The following SLC28A1 variants were observed in gnomAD, a reference collection of about 807,000 sequenced individuals.
The protein encoded by SLC28A1 is solute carrier family 28 member 1.
A neutral mutation model predicts 74.8 loss-of-function variants in SLC28A1; 64 were observed. The observed-to-expected ratio is 0.86, with a 90% confidence interval of 0.70 to 1.05. SLC28A1 has a LOEUF of 1.05. Ranked by LOEUF, SLC28A1 falls within the 50% of genes least tolerant of loss-of-function variation. The pLI is 0.00. For missense variants in SLC28A1, 828 were observed against 822.8 expected (o/e 1.01, Z -0.08); for synonymous variants, 359 against 335.0 (o/e 1.07, Z -0.78).
chr15:84,963,299 C>G, the SLC28A1 span, among the ~76,000 whole-genome samples: 1 of 152,180 alleles, frequency 6.6e-6, no homozygotes, highest in Non-Finnish European at 1.5e-5. Context: ...CCCCATGTGA[C>G]CCATAGCTGA....
At chr15:84,949,538 A>G (rs557755149), downstream of SLC28A1, among the ~76,000 whole-genome samples, 3 of 146,420 alleles carry the variant, frequency 2.0e-5, no homozygotes, top group Non-Finnish European at 4.5e-5. Context: ...AGCTGAGACT[A>G]CAGGTGTGTG....
rs1964949873 is a variant in SLC28A1, at chr15:84,888,982, A to G, written c.185+122A>G. 3 of 725,930 alleles carry G rather than the reference A, an allele frequency of 4.1e-6. No individual in the cohort carries two copies. In the Admixed American group the frequency reaches 6.2e-5, roughly 15 times the overall value. The allele number at this position is 725,930 out of a possible 1,614,324, so 45.0% of individuals were successfully genotyped here. On this transcript the variant is annotated intron_variant, in intron 4 of 18. Coordinates refer to ENST00000394573, the MANE Select transcript of SLC28A1 (RefSeq NM_004213.5). ...GACGTGAACCTTTGTTGAAGGGAGG[A>G]ATAAAGGCGCTTTAGCCAACACGCA...
chr15:84,895,653 G>A (rs1255848401), intron 6 of SLC28A1: 1 of 1,423,052 alleles, frequency 7.0e-7, no homozygotes, highest in Non-Finnish European at 9.2e-7. Context: ...GGGAGGTTGT[G>A]GAGGGAAAAT....
At chr15:84,912,842 AC>A (rs1567151202) in intron 9 of SLC28A1, among the ~76,000 whole-genome samples, 176 of 129,194 alleles carry the variant, frequency 1.4e-3, no homozygotes, top group African/African-American at 3.3e-3. Context: ...ACACACACAC[AC>A]ACACAGATCA....
the SLC28A1 span, among the ~76,000 whole-genome samples, chr15:84,964,343 T>A: frequency 1.3e-5 from 2 of 151,982 alleles, no homozygotes; most frequent in South Asian, 2.1e-4. Context: ...AAGGAAGACA[T>A]TGAAGGAAGA....
In SLC28A1 at chr15:84,935,485, G is replaced by A. The variant is rs754795087; in HGVS notation, c.1548G>A (p.Glu516=). 3 of 1,614,030 alleles carry A rather than the reference G, an allele frequency of 1.9e-6. No homozygotes were observed. The South Asian group carries it at 3.3e-5, about 18-fold the overall frequency. Residue 516 remains glutamate, a synonymous_variant, in exon 15 of 19, where the codon GAG becomes GAA. Transcript: ENST00000394573. ...KYKQRRLAGA[E]EWVGDRKQWI... Reference sequence around the variant, plus strand: ...AGCAACGCCGCCTGGCAGGGGCCGAGGAGTGGGTCGGCGACAGGAAGCAGT... The same window carrying A: ...AGCAACGCCGCCTGGCAGGGGCCGAAGAGTGGGTCGGCGACAGGAAGCAGT...
the SLC28A1 span, among the ~76,000 whole-genome samples, chr15:84,959,893 C>T: frequency 6.6e-6 from 1 of 152,128 alleles, no homozygotes; most frequent in African/African-American, 2.4e-5. Flanking sequence ...AACAATGAGT[C>T]CCTGAAGAGT....
intron 9 of SLC28A1, among the ~76,000 whole-genome samples, chr15:84,913,925 G>A (rs1005622543): frequency 6.6e-6 from 1 of 152,164 alleles, no homozygotes; most frequent in Non-Finnish European, 1.5e-5. Flanking sequence ...AGAGGTGAGG[G>A]AGCTCTCTGG....
Position 84,935,512 on chromosome 15 carries a change from G to T in SLC28A1, c.1575G>T (p.Trp525Cys). The change falls in exon 15 of 19, where the codon TGG becomes TGT. Residue 525 changes from tryptophan (W) to cysteine (C), a missense_variant. Around this residue, in one of 3 missense-constraint regions of SLC28A1, gnomAD observed 767 missense variants for 753.5 expected, o/e 1.02. Transcript: ENST00000394573. Reference sequence around the variant, plus strand: ...AGTGGGTCGGCGACAGGAAGCAGTGGATCTCCGTGAGTGTCCCAGTCCCTT... The same window carrying T: ...AGTGGGTCGGCGACAGGAAGCAGTGTATCTCCGTGAGTGTCCCAGTCCCTT... ...AEEWVGDRKQWISVRAEVLTT... is the reference protein window; with the variant it reads ...AEEWVGDRKQCISVRAEVLTT... The T allele has an allele frequency of 6.2e-7, 1 of 1,612,866 alleles. No individual in the cohort carries two copies. The highest frequency in any genetic ancestry group is 8.5e-7 in the Non-Finnish European group (1 of 1,179,774).
chr15:84,944,800 C>T lies in SLC28A1; in HGVS notation c.1807C>T (p.Leu603Phe). The T allele has an allele frequency of 6.2e-7, 1 of 1,614,136 alleles. No homozygotes were observed. Among genetic ancestry groups the T allele is most frequent in the Non-Finnish European group, 8.5e-7 (1 of 1,180,004 alleles). The change falls in exon 18 of 19, where the codon CTC becomes TTC. Residue 603 changes from leucine to phenylalanine, a missense_variant. Leu to Phe is a conservative substitution (Grantham distance 22). Around this residue, in one of 3 missense-constraint regions of SLC28A1, gnomAD observed 8 missense variants for 24.9 expected, o/e 0.32. Transcript: ENST00000394573. ...PRGAEVDCMS[L>F]LNTTLSSSSF... ...GGGGGCTGAAGTTGACTGCATGTCCCTCTTGAACACGACCCTCAGCAGCAG... is the reference window on the plus strand; with the variant it reads ...GGGGGCTGAAGTTGACTGCATGTCCTTCTTGAACACGACCCTCAGCAGCAG...
chr15:84,964,139 T>G, the SLC28A1 span, among the ~76,000 whole-genome samples: 1 of 152,176 alleles, frequency 6.6e-6, no homozygotes, highest in African/African-American at 2.4e-5. Context: ...AAGTCTTGTT[T>G]AATCATCTAT....
chr15:84,904,027 G>T (rs1966852168), intron 6 of SLC28A1, 70 bp from the exon 7 acceptor site: 2 of 1,605,746 alleles, frequency 1.2e-6, no homozygotes, highest in Non-Finnish European at 1.7e-6. Flanking sequence ...TGGGTCCCCG[G>T]GTGCTATTGT....
At chr15:84,966,131 G>A in the SLC28A1 span, among the ~76,000 whole-genome samples, 1 of 152,132 alleles carries the variant, frequency 6.6e-6, no homozygotes, top group South Asian at 2.1e-4. Flanking sequence ...ACACTGAAGT[G>A]CAGTGGTGCA....
chr15:84,904,668 G>A lies in SLC28A1; in HGVS notation c.603+430G>A, dbSNP rs566074798. 3.3e-5 allele frequency among the ~76,000 whole-genome samples: 5 copies of A among 152,286 alleles called. No individual in the cohort carries two copies. The South Asian group carries it at 1.0e-3, about 32-fold the overall frequency. On this transcript the variant is annotated intron_variant, in intron 7 of 18. Transcript: ENST00000394573. ...AGTCCAGCAACAGCGGCGCCTCCATGGAACTTGCCAGAAATGTAACTTCTT... is the reference window on the plus strand; with the variant it reads ...AGTCCAGCAACAGCGGCGCCTCCATAGAACTTGCCAGAAATGTAACTTCTT...
intron 12 of SLC28A1, among the ~76,000 whole-genome samples, chr15:84,930,990 C>G (rs559649251): frequency 6.6e-6 from 1 of 152,136 alleles, no homozygotes; most frequent in Non-Finnish European, 1.5e-5. Context: ...CCAGACTGGT[C>G]TCGAACTCCT....
chr15:84,965,402 T>C, the SLC28A1 span, among the ~76,000 whole-genome samples: 4 of 152,204 alleles, frequency 2.6e-5, no homozygotes, highest in Admixed American at 6.5e-5. Context: ...AATACAGACC[T>C]GCAAGGCAGT....
intron 10 of SLC28A1, 74 bp downstream of exon 10, chr15:84,918,678 C>T (rs1969433788): frequency 6.0e-6 from 7 of 1,173,914 alleles, no homozygotes; most frequent in South Asian, 1.2e-5. Context: ...TCCCAGAATG[C>T]CTTGCTCCCA....
At chr15:84,887,617 A>C in intron 2 of SLC28A1, 128 bp from the exon 3 acceptor site, 1 of 1,535,620 alleles carries the variant, frequency 6.5e-7, no homozygotes, top group Non-Finnish European at 8.8e-7. Flanking sequence ...GGTGGCCCCC[A>C]GGCAGGGCTC....
At position 84,945,700 on chromosome 15, in the gene SLC28A1, G is replaced by C. The variant is rs2079179577; in HGVS notation, c.*500G>C. On this transcript the variant is annotated 3_prime_UTR_variant, in exon 19 of 19. Transcript: ENST00000394573. ...TTCCTCAGAGTGCTTCCCAAACTGA[G>C]GTCCCATGGCACACTGTCCTGGGAG... is the stretch of plus-strand genomic sequence containing the variant. The C allele has an allele frequency of 1.8e-5, 4 of 224,582 alleles. No individual in the cohort carries two copies. In the South Asian group the frequency reaches 3.0e-4, roughly 17 times the overall value. 13.9% of individuals were successfully genotyped at this position (224,582 alleles called of 1,614,324 possible). A position where few individuals can be genotyped will look rare whatever the true frequency, so the allele number is the denominator to read the frequency against.
Sources: gnomAD v4.1 joint callset for allele counts (sites outside exome capture counted in the v4.1 genomes callset) on GRCh38, gnomAD v4.1.1 for gene constraint, gnomAD v4.1.1 regional missense constraint, MANE v1.5 for transcripts, NCBI Gene and HGNC (gene_info 2026-07-23, HGNC 2026-07-21) for gene names.